The following EVC2 variants were observed in gnomAD, a reference collection of about 807,000 sequenced individuals.
EVC2 encodes the protein EvC ciliary complex subunit 2.
EVC2 carries 148 observed loss-of-function variants against 149.3 expected under a neutral mutation model. The observed-to-expected ratio is 0.99, with a 90% CI of 0.87 to 1.14. EVC2 has a LOEUF of 1.14. Ranked by LOEUF, EVC2 falls within the 50% of genes most tolerant of loss-of-function variation. The pLI is 0.00. For missense variants in EVC2, 1,854 were observed against 1,627.3 expected (o/e 1.14, Z -2.40); for synonymous variants, 776 against 649.9 (o/e 1.19, Z -2.95).
chr4:5,595,154 A>T (rs1450606926), intron 16 of EVC2, among the ~76,000 whole-genome samples: 3 of 152,232 alleles, frequency 2.0e-5, no homozygotes, highest in Admixed American at 6.5e-5. Context: ...GAAGGATATT[A>T]TCCAGGAGAA....
chr4:5,664,809 C>T (rs1049283356), intron 8 of EVC2, among the ~76,000 whole-genome samples: 1 of 152,196 alleles, frequency 6.6e-6, no homozygotes, highest in African/African-American at 2.4e-5. Flanking sequence ...CCCACCACCT[C>T]CCCTTTTGTC....
At chr4:5,572,095 T>C (rs563821112) in intron 19 of EVC2, among the ~76,000 whole-genome samples, 1 of 152,308 alleles carries the variant, frequency 6.6e-6, no homozygotes, top group African/African-American at 2.4e-5. Flanking sequence ...ATCAGTTCTG[T>C]TTCTCTGGAG....
chr4:5,640,350 T>C lies in EVC2; in HGVS notation c.1470+164A>G, dbSNP rs563589002. 4.0e-5 allele frequency among the ~76,000 whole-genome samples: 6 copies of C among 151,680 alleles called. No individual in the cohort carries two copies. The highest frequency in any genetic ancestry group is 1.2e-4 in the African/African-American group (5 of 41,350). Reference sequence around the variant, plus strand: ...GATGATGGATGGACGGTGGGAATGGTTGGATGAATGAATGGAAGGATGAAT... The same window carrying C: ...GATGATGGATGGACGGTGGGAATGGCTGGATGAATGAATGGAAGGATGAAT... On this transcript the variant is annotated intron_variant, in intron 10 of 21. Transcript: ENST00000344408. This position sits in a 1 kb window ranked among gnomAD's most constrained non-coding sequence, Gnocchi z 4.6.
chr4:5,692,781 G>T (rs906308546), intron 3 of EVC2, among the ~76,000 whole-genome samples: 2 of 149,552 alleles, frequency 1.3e-5, no homozygotes, highest in African/African-American at 4.9e-5. Flanking sequence ...GCAGGAGAAT[G>T]GCGTGAACCC....
chr4:5,693,575 G>A (rs1019995244), intron 3 of EVC2, among the ~76,000 whole-genome samples: 9 of 152,176 alleles, frequency 5.9e-5, no homozygotes, highest in East Asian at 1.9e-4. Context: ...CACCAGCACC[G>A]GGCTTCCAGA....
At chr4:5,709,408 G>C (rs1238851732), upstream of EVC2, 2 of 152,278 alleles carry the variant, frequency 1.3e-5, no homozygotes, top group Non-Finnish European at 2.9e-5. Flanking sequence ...GGGGCAGGCT[G>C]TTAGGCTGTC....
At chr4:5,565,167 C>T (rs781640196) in intron 21 of EVC2, 91 bp downstream of exon 21, 3 of 1,245,972 alleles carry the variant, frequency 2.4e-6, no homozygotes, top group East Asian at 2.3e-5. Context: ...CAGCAACCTC[C>T]TTTCCTTGTC....
chr4:5,600,823 T>G (rs1262533673), intron 16 of EVC2, among the ~76,000 whole-genome samples: 2 of 152,040 alleles, frequency 1.3e-5, no homozygotes, highest in African/African-American at 2.4e-5. Flanking sequence ...CCCCCACCCA[T>G]CCTTTGCTCA....
chr4:5,565,490 G>A, intron 20 of EVC2, 131 bp from the exon 21 acceptor site: 1 of 736,274 alleles, frequency 1.4e-6, no homozygotes. Flanking sequence ...GGCCAACATG[G>A]TGAAACCCAG....
At chr4:5,693,145 A>C (rs565643244) in intron 3 of EVC2, among the ~76,000 whole-genome samples, 1 of 152,198 alleles carries the variant, frequency 6.6e-6, no homozygotes, top group Admixed American at 6.5e-5. Flanking sequence ...AAATAAATGC[A>C]GAAGGGACGA....
At chr4:5,604,954 C>T (rs897681630) in intron 16 of EVC2, among the ~76,000 whole-genome samples, 13 of 151,700 alleles carry the variant, frequency 8.6e-5, no homozygotes, top group African/African-American at 3.1e-4. Flanking sequence ...CCTCTTACTC[C>T]TCCTCCTCCT....
chr4:5,616,675 G>C (rs1299374665), intron 15 of EVC2, among the ~76,000 whole-genome samples: 4 of 152,210 alleles, frequency 2.6e-5, no homozygotes, highest in Admixed American at 2.6e-4. Context: ...CTGAGAGCAG[G>C]CTCTCCCACC....
downstream of EVC2, among the ~76,000 whole-genome samples, chr4:5,542,323 C>T (rs539239144): frequency 3.9e-5 from 6 of 152,206 alleles, no homozygotes; most frequent in African/African-American, 9.6e-5. Flanking sequence ...GGCATAGTGG[C>T]GCATGTCTGT....
chr4:5,699,637 C>G (rs1721697944), intron 1 of EVC2, among the ~76,000 whole-genome samples: 1 of 112,052 alleles, frequency 8.9e-6, no homozygotes, highest in Admixed American at 9.9e-5. Context: ...GAGACTCCAT[C>G]TCTACAAAAA....
In EVC2 at chr4:5,689,785, T is replaced by C. The variant is rs118187927; in HGVS notation, c.520-442A>G. Among the ~76,000 whole-genome samples the C allele has an allele frequency of 7.7e-4, 118 of 152,306 alleles. 1 individual carries two copies. The East Asian group carries it at 0.014, about 18-fold the overall frequency. ...AGGACCCGAGCTGCTCGTCCGCCTCTTGGATCATCTCCCACATTCAGGCTC... is the reference window on the plus strand; with the variant it reads ...AGGACCCGAGCTGCTCGTCCGCCTCCTGGATCATCTCCCACATTCAGGCTC... On this transcript the variant is annotated intron_variant, in intron 4 of 21. Transcript: ENST00000344408.
At chr4:5,664,678 A>T (rs990215826) in intron 8 of EVC2, among the ~76,000 whole-genome samples, 3 of 152,142 alleles carry the variant, frequency 2.0e-5, no homozygotes, top group Admixed American at 2.0e-4. Flanking sequence ...GCTGGGGTGG[A>T]ATTTCCAGCC....
In EVC2 at chr4:5,618,420, G is replaced by A. The variant is rs1470657880; in HGVS notation, c.2706+58C>T. The stretch of plus-strand genomic sequence containing the variant: ...TGGGGAAGAGGCCAGACCCTGTAGG[G>A]CCAGCAGCTGGGAGACGGCCCTGCT... On this transcript the variant is annotated intron_variant, in intron 15 of 21. Transcript: ENST00000344408. The surrounding 1 kb of genome is among the most constrained non-coding windows in gnomAD (Gnocchi z 4.4). 4.4e-6 allele frequency: 7 copies of A among 1,601,014 alleles called. No homozygotes were observed. The Admixed American group carries it at 6.7e-5, about 15-fold the overall frequency.
rs199824658 is a variant in EVC2 at position 5,622,961 on chromosome 4, C to T, written c.2077G>A (p.Val693Ile). The T allele has an allele frequency of 4.1e-4, 655 of 1,613,998 alleles. 8 individuals carry two copies. The South Asian group carries it at 4.9e-3, about 12-fold the overall frequency. The change falls in exon 14 of 22, where the codon GTC (valine) becomes ATC (isoleucine). Residue 693 changes from valine to isoleucine, a missense_variant. Val to Ile is a conservative substitution (Grantham distance 29). Transcript: ENST00000344408. This position sits in a 1 kb window ranked among gnomAD's most constrained non-coding sequence, Gnocchi z 5.8. ...TCAACCGTTCGGAAGGCCTCGCCGA[C>T]GGACGCCTGCTCCCTACGCTGCTCC... ...HREQRREQAS[V>I]GEAFRTVEDA...
chr4:5,626,331 G>C (rs79720681), intron 12 of EVC2, among the ~76,000 whole-genome samples: 1 of 124,660 alleles, frequency 8.0e-6, no homozygotes, highest in Non-Finnish European at 1.7e-5. Context: ...CGTTCTTCTT[G>C]TTTTTTTTTT....
Sources: gnomAD v4.1 joint callset for allele counts (sites outside exome capture counted in the v4.1 genomes callset) on GRCh38, gnomAD v4.1.1 for gene constraint, Gnocchi (gnomAD v3.1) non-coding constraint, MANE v1.5 for transcripts, NCBI Gene and HGNC (gene_info 2026-07-23, HGNC 2026-07-21) for gene names.